The following TGM5 variants were observed in gnomAD, a reference collection of about 807,000 sequenced individuals.
TGM5 encodes transglutaminase 5.
TGM5 carries 69 observed loss-of-function variants against 77.2 expected under a neutral mutation model. The observed-to-expected ratio is 0.89, with a 90% CI of 0.74 to 1.09. The LOEUF (loss-of-function observed/expected upper bound fraction) is 1.09. TGM5 is among the 50% of genes least tolerant of loss of function. The pLI, the probability that TGM5 is intolerant of heterozygous loss-of-function variation, is 0.00. For missense variants in TGM5, 842 were observed against 896.5 expected (o/e 0.94, Z 0.78); for synonymous variants, 346 against 351.8 (o/e 0.98, Z 0.18).
At chr15:43,244,431 T>C (rs2042657982) in intron 6 of TGM5, among the ~76,000 whole-genome samples, 1 of 152,150 alleles carries the variant, frequency 6.6e-6, no homozygotes, top group Admixed American at 6.5e-5. Flanking sequence ...TCACTGATGA[T>C]TTTGTGGGAT....
intron 1 of TGM5, among the ~76,000 whole-genome samples, chr15:43,265,476 C>T (rs903699781): frequency 6.6e-6 from 1 of 152,200 alleles, no homozygotes; most frequent in South Asian, 2.1e-4. Context: ...TGGCAGCAAG[C>T]GCTGGGACAA....
intron 1 of TGM5, among the ~76,000 whole-genome samples, chr15:43,264,083 A>G (rs1169317814): frequency 6.6e-6 from 1 of 152,212 alleles, no homozygotes; most frequent in African/African-American, 2.4e-5. Context: ...CATTAGTCCT[A>G]GGGAAACACA....
intron 6 of TGM5, among the ~76,000 whole-genome samples, chr15:43,250,260 C>G (rs911415439): frequency 2.6e-5 from 4 of 152,156 alleles, no homozygotes; most frequent in Non-Finnish European, 5.9e-5. Context: ...CTGATGCTTC[C>G]TGAACACTCA....
chr15:43,239,024 C>T lies in TGM5; in HGVS notation c.1138G>A (p.Ala380Thr). Residue 380 changes from alanine to threonine, a missense_variant, in exon 9 of 13, where the codon GCC becomes ACC. By Grantham distance (58) the Ala-to-Thr change is moderately conservative. Around this residue, in one of 2 missense-constraint regions of TGM5, gnomAD observed 815 missense variants for 844.6 expected, o/e 0.96. Transcript: ENST00000220420. ...AGGTCCACTTCTCCTTCTTTGATGG[C>T]TCTGACAGAGGCAGGGCCACAGCAG... The part of the protein sequence containing the change: ...VYCCGPASVR[A>T]IKEGEVDLNY... The T allele has an allele frequency of 6.2e-7, 1 of 1,614,110 alleles. No homozygotes were observed. Among genetic ancestry groups the T allele is most frequent in the African/African-American group, 1.3e-5 (1 of 75,016 alleles).
Position 43,263,758 on chromosome 15 carries a change from A to G in TGM5, c.10+3082T>C, listed in dbSNP as rs111290532. Among the ~76,000 whole-genome samples, 931 of 152,368 alleles carry G rather than the reference A, an allele frequency of 6.1e-3. 8 individuals carry two copies. The highest frequency in any genetic ancestry group is 0.021 in the African/African-American group (880 of 41,586). On this transcript the variant is annotated intron_variant, in intron 1 of 12. Transcript: ENST00000220420. ...TCTTTGTGATCTTAGACTAGGCAAC[A>G]GCTTCTCAGATATGACAGCAGAAGT...
At chr15:43,243,851 G>T (rs1042384741) in intron 6 of TGM5, among the ~76,000 whole-genome samples, 2 of 152,160 alleles carry the variant, frequency 1.3e-5, no homozygotes, top group Non-Finnish European at 2.9e-5. Flanking sequence ...ACCAGGCATG[G>T]TGCCAAGCAC....
At chr15:43,258,084 G>T (rs567163092) in intron 3 of TGM5, among the ~76,000 whole-genome samples, 4 of 152,204 alleles carry the variant, frequency 2.6e-5, no homozygotes, top group East Asian at 1.9e-4. Flanking sequence ...GTCGTGGGGT[G>T]GGGGGAAGAG....
chr15:43,235,147 G>A (rs773111888), intron 10 of TGM5, among the ~76,000 whole-genome samples: 3 of 152,154 alleles, frequency 2.0e-5, no homozygotes, highest in Non-Finnish European at 2.9e-5. Context: ...AGGCTCCAAC[G>A]AAGGTCTCAG....
At position 43,233,414 on chromosome 15, in the gene TGM5, A is replaced by C. The variant is rs942419769; in HGVS notation, c.2010-70T>G. ...ATGACCCTGGAGCCCTTTTCCACCC[A>C]GCTTCCTGAGTGGGAGGGAGTGCTT... On this transcript the variant is annotated intron_variant, in intron 12 of 12. Coordinates refer to ENST00000220420, the MANE Select transcript of TGM5 (RefSeq NM_201631.4). 12 of 1,611,272 alleles carry C rather than the reference A, an allele frequency of 7.4e-6. No individual in the cohort carries two copies. In the Admixed American group the frequency reaches 1.3e-4, roughly 18 times the overall value.
chr15:43,261,067 TGTGTG>T (rs748782063), intron 1 of TGM5, among the ~76,000 whole-genome samples: 15,108 of 58,166 alleles, frequency 0.26, 1,709 homozygotes, highest in Middle Eastern at 0.33. Context: ...TTCCTTTTTT[TGTGTG>T]TGTGTTTTTT....
chr15:43,261,090 T>TTTTTTTTTTTTTTTTTTTG (rs2042786497), intron 1 of TGM5, among the ~76,000 whole-genome samples: 4 of 97,106 alleles, frequency 4.1e-5, no homozygotes, highest in Admixed American at 1.1e-4. Context: ...TTTTTTTTTT[T>TTTTTTTTTTTTTTTTTTTG]TTTTTTTTTT....
chr15:43,241,693 C>T (rs746531577), intron 6 of TGM5, among the ~76,000 whole-genome samples: 7 of 151,804 alleles, frequency 4.6e-5, no homozygotes, highest in African/African-American at 1.7e-4. Context: ...TTTTTGAAGT[C>T]AAAAAAATCG....
Position 43,261,911 on chromosome 15 carries a change from G to A in TGM5, c.11-1332C>T, listed in dbSNP as rs16957521. ...ATCATGCCATTCTTTTGCTTTACAA[G>A]TTCTGAGATCTCCTACAGTCTGCCA... On this transcript the variant is annotated intron_variant, in intron 1 of 12. Coordinates refer to ENST00000220420, the MANE Select transcript of TGM5 (RefSeq NM_201631.4). Among the ~76,000 whole-genome samples, 788 of 152,144 alleles carry A rather than the reference G, an allele frequency of 5.2e-3. 5 individuals carry two copies. Among genetic ancestry groups the A allele is most frequent in the African/African-American group, 0.018 (727 of 41,488 alleles).
At chr15:43,257,308 A>G (rs1280420720) in intron 3 of TGM5, among the ~76,000 whole-genome samples, 1 of 152,224 alleles carries the variant, frequency 6.6e-6, no homozygotes, top group African/African-American at 2.4e-5. Context: ...TACCATAGAG[A>G]CGTAAGGCAG....
At chr15:43,240,714 G>A in intron 7 of TGM5, 138 bp downstream of exon 7, 3 of 1,044,616 alleles carry the variant, frequency 2.9e-6, no homozygotes, top group Non-Finnish European at 4.2e-6. Context: ...GGTGGGGGGT[G>A]GGTGGGGGAG....
At chr15:43,237,749 T>G (rs936476304) in intron 9 of TGM5, among the ~76,000 whole-genome samples, 10 of 152,202 alleles carry the variant, frequency 6.6e-5, no homozygotes, top group Non-Finnish European at 1.0e-4. Context: ...TATTTGTCCT[T>G]TATTTTCTCT....
chr15:43,237,692 G>T (rs951301177), intron 9 of TGM5, among the ~76,000 whole-genome samples: 1 of 152,270 alleles, frequency 6.6e-6, no homozygotes, highest in East Asian at 1.9e-4. Context: ...GGGATTGCAG[G>T]TGTGAGCTTA....
chr15:43,253,874 A>G (rs1239627825), intron 4 of TGM5, among the ~76,000 whole-genome samples: 2 of 152,082 alleles, frequency 1.3e-5, no homozygotes, highest in Non-Finnish European at 2.9e-5. Flanking sequence ...CGAGATGACT[A>G]TTGCTACTCC....
intron 6 of TGM5, among the ~76,000 whole-genome samples, chr15:43,248,421 C>G (rs976272032): frequency 3.3e-5 from 5 of 152,170 alleles, no homozygotes. Flanking sequence ...ATTCCCCTGC[C>G]TCGGCCTCCC....
Sources: gnomAD v4.1 joint callset for allele counts (sites outside exome capture counted in the v4.1 genomes callset) on GRCh38, gnomAD v4.1.1 for gene constraint, gnomAD v4.1.1 regional missense constraint, MANE v1.5 for transcripts, NCBI Gene and HGNC (gene_info 2026-07-23, HGNC 2026-07-21) for gene names.